Variants in CCDC171 observed in about 807,000 individuals in gnomAD.
CCDC171 encodes the protein coiled-coil domain containing 171, also known as coiled-coil domain-containing protein 171.
CCDC171 carries 177 observed loss-of-function variants against 168.2 expected under a neutral mutation model. The observed-to-expected ratio is 1.05, with a 90% CI of 0.93 to 1.19. The LOEUF (loss-of-function observed/expected upper bound fraction) is 1.19, where lower values mean the gene tolerates loss of function less well. CCDC171 is among the 50% of genes most tolerant of loss of function. The pLI, the probability that CCDC171 is intolerant of heterozygous loss-of-function variation, is 0.00. For synonymous variants in CCDC171, 687 were observed against 540.8 expected, an observed-to-expected ratio of 1.27 and a Z score of -3.75; for missense variants, 1,991 against 1,539.0, an observed-to-expected ratio of 1.29 and a Z score of -4.91.
chr9:15,608,356 C>A (rs534795191), intron 6 of CCDC171, among the ~76,000 whole-genome samples: 24 of 152,322 alleles, frequency 1.6e-4, no homozygotes, highest in Non-Finnish European at 8.8e-5. Flanking sequence ...ATGAACATCA[C>A]ATCTTTTTAT....
intron 21 of CCDC171, among the ~76,000 whole-genome samples, chr9:15,788,463 A>G (rs1394437716): frequency 4.7e-5 from 7 of 150,328 alleles, no homozygotes; most frequent in Non-Finnish European, 1.0e-4. Flanking sequence ...TCTTCTTTTT[A>G]AAAACAAAAT....
chr9:15,556,369 G>A (rs1038518706), intron 1 of CCDC171, among the ~76,000 whole-genome samples: 2 of 152,130 alleles, frequency 1.3e-5, no homozygotes, highest in African/African-American at 4.8e-5. Context: ...GTGTAAAAGT[G>A]TTCCTATTTC....
chr9:15,668,332 T>C (rs1468831822), intron 9 of CCDC171, among the ~76,000 whole-genome samples: 1 of 152,218 alleles, frequency 6.6e-6, no homozygotes, highest in South Asian at 2.1e-4. Flanking sequence ...CTTTCCTAAT[T>C]GGACCCCAAA....
At chr9:15,766,898 G>A (rs184136187) in intron 18 of CCDC171, among the ~76,000 whole-genome samples, 2 of 152,246 alleles carry the variant, frequency 1.3e-5, no homozygotes, top group African/African-American at 4.8e-5. Flanking sequence ...CCGGCCTCAA[G>A]CAATCCTTTT....
intron 21 of CCDC171, among the ~76,000 whole-genome samples, chr9:15,794,623 T>A (rs1320333794): frequency 1.3e-5 from 2 of 152,244 alleles, no homozygotes; most frequent in African/African-American, 4.8e-5. Flanking sequence ...GATTTGTGTT[T>A]ATACAGACTG....
At chr9:16,033,754 G>T (rs1391961184) in intron 6 of CCDC171, among the ~76,000 whole-genome samples, 1 of 151,910 alleles carries the variant, frequency 6.6e-6, no homozygotes, top group African/African-American at 2.4e-5. Flanking sequence ...AAAAGGTTGG[G>T]GATGCTGTGT....
At chr9:15,833,247 C>G (rs2060309243) in intron 21 of CCDC171, among the ~76,000 whole-genome samples, 1 of 152,096 alleles carries the variant, frequency 6.6e-6, no homozygotes, top group South Asian at 2.1e-4. Context: ...CCACCTCGGC[C>G]TCCCAAAGTG....
intron 4 of CCDC171, among the ~76,000 whole-genome samples, chr9:15,590,365 A>G (rs2041887992): frequency 6.6e-6 from 1 of 152,200 alleles, no homozygotes; most frequent in Non-Finnish European, 1.5e-5. Flanking sequence ...ACATTTCCTC[A>G]TTTTATCTTC....
At chr9:15,570,845 A>G (rs905031564) in intron 2 of CCDC171, among the ~76,000 whole-genome samples, 15 of 152,160 alleles carry the variant, frequency 9.9e-5, no homozygotes, top group African/African-American at 3.6e-4. Context: ...GGTCATTTGT[A>G]TCTAATGTCT....
At chr9:15,789,020 A>C (rs1588501875) in intron 21 of CCDC171, among the ~76,000 whole-genome samples, 1 of 152,178 alleles carries the variant, frequency 6.6e-6, no homozygotes, top group African/African-American at 2.4e-5. Flanking sequence ...AAGGACAAAA[A>C]TAAAACAAAT....
intron 2 of CCDC171, among the ~76,000 whole-genome samples, chr9:15,570,959 G>C (rs963531946): frequency 6.6e-6 from 1 of 152,150 alleles, no homozygotes; most frequent in African/African-American, 2.4e-5. Flanking sequence ...TGGTATAGGG[G>C]ATGGGGATCT....
chr9:16,049,592 C>A (rs754618454), intron 1 of CCDC171, among the ~76,000 whole-genome samples: 9 of 152,160 alleles, frequency 5.9e-5, no homozygotes, highest in Non-Finnish European at 1.2e-4. Flanking sequence ...CCAGGACTTA[C>A]ACCAGCAGCA....
the CCDC171 span, among the ~76,000 whole-genome samples, chr9:16,094,542 G>T: frequency 6.6e-6 from 1 of 151,982 alleles, no homozygotes; most frequent in Admixed American, 6.5e-5. Context: ...AAGAGTCAAG[G>T]GTTGTTTAGT....
At chr9:15,960,733 A>G (rs893943311) in intron 25 of CCDC171, among the ~76,000 whole-genome samples, 1 of 152,172 alleles carries the variant, frequency 6.6e-6, no homozygotes, top group Non-Finnish European at 1.5e-5. Context: ...TTCTGCAGAT[A>G]TGACCCCCAG....
Position 15,603,091 on chromosome 9 carries a change from C to G in CCDC171, c.675+8919C>G, listed in dbSNP as rs188450215. ...CCACCTCCTGGGTTCATGCTATTCT[C>G]CTGCCTCAGCCTCCCGAGTGGCTGG... On this transcript the variant is annotated intron_variant, in intron 6 of 25. Transcript: ENST00000380701. Among the ~76,000 whole-genome samples the G allele has an allele frequency of 4.3e-3, 659 of 152,298 alleles. 4 individuals carry two copies. Among genetic ancestry groups the G allele is most frequent in the Non-Finnish European group, 7.2e-3 (488 of 68,034 alleles).
upstream of CCDC171, among the ~76,000 whole-genome samples, chr9:16,038,918 G>T (rs1369581542): frequency 6.8e-6 from 1 of 148,120 alleles, no homozygotes; most frequent in Non-Finnish European, 1.5e-5. Context: ...CAGACTAAAG[G>T]GCGAAATTTA....
chr9:15,607,105 A>C (rs1052142240), intron 6 of CCDC171, among the ~76,000 whole-genome samples: 1 of 152,206 alleles, frequency 6.6e-6, no homozygotes, highest in Non-Finnish European at 1.5e-5. Context: ...TGATAAAGCC[A>C]TAAACTTAAA....
intron 23 of CCDC171, among the ~76,000 whole-genome samples, chr9:15,862,961 C>T (rs770193): frequency 9.2e-5 from 14 of 152,002 alleles, no homozygotes; most frequent in South Asian, 8.3e-4. Flanking sequence ...GAGAGCTGGG[C>T]ATTTTTTTTC....
intron 6 of CCDC171, among the ~76,000 whole-genome samples, chr9:15,601,093 G>A (rs1587317083): frequency 6.6e-6 from 1 of 152,308 alleles, no homozygotes; most frequent in African/African-American, 2.4e-5. Flanking sequence ...TGGGGGAGGC[G>A]ATGCCTCGCC....
Sources: allele counts gnomAD v4.1 joint callset (sites outside exome capture counted in the v4.1 genomes callset), GRCh38; gene constraint gnomAD v4.1.1; transcripts MANE v1.5; gene names NCBI Gene and HGNC (gene_info 2026-07-23, HGNC 2026-07-21).